KCNK5: variants seen among roughly 807,000 people sequenced by gnomAD.
The protein encoded by KCNK5 is potassium two pore domain channel subfamily K member 5.
KCNK5 carries 18 observed loss-of-function variants against 32.9 expected under a neutral mutation model. That is an observed-to-expected ratio of 0.55 (90% CI 0.38 to 0.81). The LOEUF (loss-of-function observed/expected upper bound fraction) is 0.81. Ranked by LOEUF, KCNK5 falls within the 30% of genes least tolerant of loss-of-function variation. KCNK5 has a pLI of 0.00. For synonymous variants in KCNK5, 276 were observed against 275.3 expected, an observed-to-expected ratio of 1.00 and a Z score of -0.03; for missense variants, 507 against 651.0, an observed-to-expected ratio of 0.78 and a Z score of 2.41.
At chr6:39,192,283 C>CAAAAAAAAAAAAA (rs1226626372) in intron 4 of KCNK5, among the ~76,000 whole-genome samples, 1 of 46,718 alleles carries the variant, frequency 2.1e-5, no homozygotes, top group Non-Finnish European at 3.4e-5. Flanking sequence ...GACTCCGTCT[C>CAAAAAAAAAAAAA]AAAAAAAAAA....
In KCNK5 at chr6:39,195,288, C is replaced by T. The variant is rs374875598; in HGVS notation, c.299-528G>A. ...TTTCGCCTTGGTTCCCAAACACATG[C>T]GGAGGCCTTGTGTTTTCATCCCCAG... On this transcript the variant is annotated intron_variant, in intron 2 of 4. Coordinates refer to ENST00000359534, the MANE Select transcript of KCNK5 (RefSeq NM_003740.4). Among the ~76,000 whole-genome samples, 5 of 152,330 alleles carry T rather than the reference C, an allele frequency of 3.3e-5. 1 individual carries two copies. The highest frequency in any genetic ancestry group is 7.3e-5 in the Non-Finnish European group (5 of 68,034).
chr6:39,198,015 G>A (rs1176585291), intron 1 of KCNK5, among the ~76,000 whole-genome samples: 1 of 152,198 alleles, frequency 6.6e-6, no homozygotes, highest in Non-Finnish European at 1.5e-5. Flanking sequence ...AATGGGGAGA[G>A]GAGAATGTTT....
At position 39,195,886 on chromosome 6, in the gene KCNK5, A is replaced by G. The variant is rs765618730; in HGVS notation, c.288T>C (p.Ile96=). Residue 96 remains isoleucine, a synonymous_variant, in exon 2 of 5, where the codon ATT becomes ATC. Coordinates refer to ENST00000359534, the MANE Select transcript of KCNK5 (RefSeq NM_003740.4). The stretch of plus-strand genomic sequence containing the variant: ...TCCCAGAAGACTTACCAATGGTGGT[A>G]ATGACGGTCGCTGCAAAAATCATTG... The part of the protein sequence containing the change: ...PNAMIFAATV[I]TTIGYGNVAP... The G allele has an allele frequency of 1.2e-6, 2 of 1,613,468 alleles. No homozygotes were observed. The highest frequency in any genetic ancestry group is 8.5e-7 in the Non-Finnish European group (1 of 1,179,470).
chr6:39,193,528 G>A (rs146662073), intron 4 of KCNK5, among the ~76,000 whole-genome samples: 8 of 152,352 alleles, frequency 5.3e-5, no homozygotes, highest in Admixed American at 4.6e-4. Flanking sequence ...TGCTGTGCAG[G>A]CCACAAACAC....
rs896956390 is a variant in KCNK5 at position 39,190,161 on chromosome 6, C to T, written c.*729G>A. The T allele has an allele frequency of 3.3e-5, 5 of 152,436 alleles. No individual in the cohort carries two copies. Among genetic ancestry groups the T allele is most frequent in the Non-Finnish European group, 7.3e-5 (5 of 68,266 alleles). 9.4% of individuals were successfully genotyped at this position (152,436 alleles called of 1,614,324 possible). ...GGCCCACAGAAAGCCTTGCGTCTGCCACTGCTTGACCTGAGACAGGGAACA... is the reference window on the plus strand; with the variant it reads ...GGCCCACAGAAAGCCTTGCGTCTGCTACTGCTTGACCTGAGACAGGGAACA... On this transcript the variant is annotated 3_prime_UTR_variant, in exon 5 of 5. Coordinates refer to ENST00000359534, the MANE Select transcript of KCNK5 (RefSeq NM_003740.4).
At chr6:39,211,955 A>T (rs1032098564) in intron 1 of KCNK5, among the ~76,000 whole-genome samples, 1 of 150,294 alleles carries the variant, frequency 6.7e-6, no homozygotes, top group Non-Finnish European at 1.5e-5. Context: ...CAAGAGCAAA[A>T]CTCTGTCTCA....
At chr6:39,217,876 T>C (rs1771469357) in intron 1 of KCNK5, among the ~76,000 whole-genome samples, 5 of 152,136 alleles carry the variant, frequency 3.3e-5, no homozygotes. Flanking sequence ...AACATCCTCC[T>C]TTCCCAGCCT....
At chr6:39,207,943 T>C (rs766814330) in intron 1 of KCNK5, among the ~76,000 whole-genome samples, 1 of 152,096 alleles carries the variant, frequency 6.6e-6, no homozygotes, top group Non-Finnish European at 1.5e-5. Context: ...TTTGTCTCTC[T>C]AGGTTACACC....
intron 1 of KCNK5, among the ~76,000 whole-genome samples, chr6:39,199,424 C>T (rs1350431586): frequency 6.6e-6 from 1 of 152,188 alleles, no homozygotes; most frequent in Non-Finnish European, 1.5e-5. Flanking sequence ...TATCAGGCAG[C>T]CACAGCATTA....
At chr6:39,197,319 CCTGCGTAAATGGAT>C (rs1166140752) in intron 1 of KCNK5, among the ~76,000 whole-genome samples, 7 of 152,218 alleles carry the variant, frequency 4.6e-5, no homozygotes. Context: ...CAGCAGCCGG[CCTGCGTAAATGGAT>C]CTGCACACTC....
At position 39,195,952 on chromosome 6, in the gene KCNK5, G is replaced by GA; in HGVS notation, c.221dup (p.Thr75HisfsTer112). 6.2e-7 allele frequency: 1 copy of GA among 1,613,782 alleles called. No individual in the cohort carries two copies. Among genetic ancestry groups the GA allele is most frequent in the Non-Finnish European group, 8.5e-7 (1 of 1,179,836 alleles). ...AGTTGTTGAAGGTCTGGTTCCCTGT[G>GA]ATGGCCACACCCTGTCCTGCAGCAT... On this transcript the variant is annotated frameshift_variant, in exon 2 of 5. Transcript: ENST00000359534. LOFTEE classifies it high-confidence loss of function.
At position 39,191,888 on chromosome 6, in the gene KCNK5, C is replaced by A; in HGVS notation, c.635-133G>T. On this transcript the variant is annotated intron_variant, in intron 4 of 4. Transcript: ENST00000359534. The surrounding 1 kb of genome is among the most constrained non-coding windows in gnomAD (Gnocchi z 5.8). ...GGGGGTGCAGTGGGATAGAAAGGGG[C>A]CTGTTCTAGACCCTGGACTATCCCA... 1.1e-6 allele frequency: 1 copy of A among 922,116 alleles called. No individual in the cohort carries two copies. The highest frequency in any genetic ancestry group is 2.5e-5 in the Admixed American group (1 of 40,664). The allele number at this position is 922,116 out of a possible 1,614,324, so 57.1% of individuals were successfully genotyped here.
chr6:39,192,514 C>G (rs552841858), intron 4 of KCNK5, among the ~76,000 whole-genome samples: 8 of 152,170 alleles, frequency 5.3e-5, no homozygotes, highest in African/African-American at 1.9e-4. Flanking sequence ...ACCCTCCAAG[C>G]TGGGGCTAGA....
chr6:39,225,869 C>T (rs967370613), intron 1 of KCNK5, among the ~76,000 whole-genome samples: 2 of 152,166 alleles, frequency 1.3e-5, no homozygotes, highest in Non-Finnish European at 2.9e-5. Context: ...ATTCTATCTT[C>T]TCTGGGCTTC....
At chr6:39,193,875 A>T (rs113865090) in intron 4 of KCNK5, among the ~76,000 whole-genome samples, 1 of 152,202 alleles carries the variant, frequency 6.6e-6, no homozygotes, top group African/African-American at 2.4e-5. Flanking sequence ...TCCCCCATGA[A>T]GCCAAGCTCA....
chr6:39,221,534 G>A (rs1209381144), intron 1 of KCNK5, among the ~76,000 whole-genome samples: 4 of 152,200 alleles, frequency 2.6e-5, no homozygotes, highest in Non-Finnish European at 5.9e-5. Flanking sequence ...GCACCTGGTA[G>A]GCACTCCACA....
chr6:39,202,107 G>T lies in KCNK5; in HGVS notation c.187-6120C>A, dbSNP rs551196241. On this transcript the variant is annotated intron_variant, in intron 1 of 4. Transcript: ENST00000359534. ...GCCTTTTGTTTTGTTTTTCACTGATGTATTCCCCAAACTTAGAACACTGCC... is the reference window on the plus strand; with the variant it reads ...GCCTTTTGTTTTGTTTTTCACTGATTTATTCCCCAAACTTAGAACACTGCC... Among the ~76,000 whole-genome samples the T allele has an allele frequency of 3.9e-5, 6 of 152,298 alleles. No homozygotes were observed. In the South Asian group the frequency reaches 1.2e-3, roughly 32 times the overall value.
At chr6:39,193,546 T>C (rs1409221716) in intron 4 of KCNK5, among the ~76,000 whole-genome samples, 1 of 152,184 alleles carries the variant, frequency 6.6e-6, no homozygotes, top group African/African-American at 2.4e-5. Context: ...CACAAGTACA[T>C]GTGTGGCTGG....
At chr6:39,218,311 C>T (rs1370254047) in intron 1 of KCNK5, among the ~76,000 whole-genome samples, 1 of 152,114 alleles carries the variant, frequency 6.6e-6, no homozygotes, top group Non-Finnish European at 1.5e-5. Context: ...CCTTGTGATC[C>T]ACCCGCCTAG....
Sources: allele counts gnomAD v4.1 joint callset (sites outside exome capture counted in the v4.1 genomes callset), GRCh38; gene constraint gnomAD v4.1.1; non-coding constraint Gnocchi (gnomAD v3.1); transcripts MANE v1.5; gene names NCBI Gene and HGNC (gene_info 2026-07-23, HGNC 2026-07-21).